PRKG1: variants seen among roughly 807,000 people sequenced by gnomAD.
PRKG1 encodes protein kinase cGMP-dependent 1, also known as cGMP-dependent protein kinase 1.
Under a neutral mutation model 88.1 loss-of-function variants are expected in PRKG1, and 35 were observed. That is an observed-to-expected ratio of 0.40 (90% CI 0.30 to 0.53). PRKG1 has a LOEUF of 0.53. Ranked by LOEUF, PRKG1 falls within the 20% of genes least tolerant of loss-of-function variation. PRKG1 has a pLI of 0.59. For missense variants in PRKG1, 540 were observed against 839.8 expected (o/e 0.64, Z 4.41); for synonymous variants, 303 against 292.5 (o/e 1.04, Z -0.37).
intron 6 of PRKG1, among the ~76,000 whole-genome samples, chr10:52,056,817 C>T (rs1168467326): frequency 6.6e-6 from 1 of 151,880 alleles, no homozygotes; most frequent in Non-Finnish European, 1.5e-5. Context: ...CTAATTCTAA[C>T]ATATTAAAAT....
At chr10:51,087,323 A>G (rs971237640) in intron 1 of PRKG1, among the ~76,000 whole-genome samples, 1 of 152,214 alleles carries the variant, frequency 6.6e-6, no homozygotes, top group Non-Finnish European at 1.5e-5. Context: ...GATGATAATG[A>G]TGATAATTAC....
chr10:51,640,616 GA>G (rs1045782593), intron 3 of PRKG1, among the ~76,000 whole-genome samples: 71 of 151,832 alleles, frequency 4.7e-4, no homozygotes, highest in Admixed American at 4.5e-3. Context: ...GATGCTTCCA[GA>G]AAAAAAATTA....
chr10:51,763,572 G>C (rs1218771724), intron 3 of PRKG1, among the ~76,000 whole-genome samples: 1 of 142,380 alleles, frequency 7.0e-6, no homozygotes, highest in Non-Finnish European at 1.5e-5. Flanking sequence ...ATTTTAAAAC[G>C]ATGTAAAATT....
intron 5 of PRKG1, among the ~76,000 whole-genome samples, chr10:51,984,089 G>A (rs887879295): frequency 6.6e-6 from 1 of 152,214 alleles, no homozygotes; most frequent in Non-Finnish European, 1.5e-5. Flanking sequence ...CTTGTGCGGT[G>A]TGAGAGGATA....
At chr10:51,410,142 C>G (rs1364575788) in intron 2 of PRKG1, among the ~76,000 whole-genome samples, 3 of 151,508 alleles carry the variant, frequency 2.0e-5, no homozygotes, top group East Asian at 1.9e-4. Context: ...TCAGGGTTCT[C>G]TAGAGGGACA....
chr10:51,858,978 T>TA (rs1164185393), intron 4 of PRKG1, among the ~76,000 whole-genome samples: 2 of 152,122 alleles, frequency 1.3e-5, no homozygotes, highest in African/African-American at 4.8e-5. Context: ...TATCAATGGG[T>TA]ATCTCTAACA....
chr10:51,222,946 G>T (rs7905752), intron 2 of PRKG1, among the ~76,000 whole-genome samples: 2,954 of 151,762 alleles, frequency 0.019, 79 homozygotes, highest in African/African-American at 0.066. Context: ...AATGTGAAAT[G>T]ATTACCATAA....
intron 3 of PRKG1, among the ~76,000 whole-genome samples, chr10:51,473,877 A>C (rs1225752035): frequency 4.0e-5 from 6 of 151,878 alleles, no homozygotes; most frequent in Non-Finnish European, 5.9e-5. Context: ...GGTGTAATGA[A>C]TCTTCATTCA....
intron 7 of PRKG1, among the ~76,000 whole-genome samples, chr10:52,072,814 A>G (rs1159232045): frequency 6.6e-6 from 1 of 152,202 alleles, no homozygotes; most frequent in Non-Finnish European, 1.5e-5. Flanking sequence ...TCTAAATTAT[A>G]GGACAGCCAC....
intron 9 of PRKG1, among the ~76,000 whole-genome samples, chr10:52,240,419 G>T (rs531121060): frequency 6.6e-6 from 1 of 152,254 alleles, no homozygotes; most frequent in Admixed American, 6.5e-5. Flanking sequence ...TGATATTCTG[G>T]ATGGGATCCC....
At chr10:51,960,800 A>G (rs1434554075) in intron 5 of PRKG1, among the ~76,000 whole-genome samples, 1 of 152,166 alleles carries the variant, frequency 6.6e-6, no homozygotes, top group African/African-American at 2.4e-5. Context: ...TCTCAAAAGC[A>G]TGATATCCGA....
In PRKG1 at chr10:51,954,892, C is replaced by T. The variant is rs575617639; in HGVS notation, c.762+47322C>T. ...TAATCACCTCCCAACCATGTACCTA[C>T]CTATCACTGAGCTTCAGTAATTATC... On this transcript the variant is annotated intron_variant, in intron 5 of 17. Transcript: ENST00000373980. 1.4e-4 allele frequency among the ~76,000 whole-genome samples: 22 copies of T among 152,258 alleles called. No individual in the cohort carries two copies. The South Asian group carries it at 4.6e-3, about 32-fold the overall frequency.
intron 4 of PRKG1, among the ~76,000 whole-genome samples, chr10:51,877,841 T>C (rs1250053116): frequency 6.6e-6 from 1 of 152,196 alleles, no homozygotes; most frequent in African/African-American, 2.4e-5. Flanking sequence ...TCCCACCTCA[T>C]GGTGGCAGCA....
chr10:51,211,358 C>T (rs896128351), intron 2 of PRKG1, among the ~76,000 whole-genome samples: 4 of 152,178 alleles, frequency 2.6e-5, no homozygotes, highest in Admixed American at 2.6e-4. Flanking sequence ...CAGCCAATAT[C>T]ATACTGAATG....
chr10:51,384,906 C>A (rs1837212085), intron 2 of PRKG1, among the ~76,000 whole-genome samples: 1 of 152,160 alleles, frequency 6.6e-6, no homozygotes, highest in Non-Finnish European at 1.5e-5. Flanking sequence ...ACTCTGTTTT[C>A]ATGAGTTCTG....
intron 3 of PRKG1, among the ~76,000 whole-genome samples, chr10:51,490,869 T>C (rs1440517048): frequency 6.6e-6 from 1 of 152,236 alleles, no homozygotes; most frequent in East Asian, 1.9e-4. Context: ...CTGGGATTTC[T>C]AGGAAACTAG....
At chr10:51,956,114 T>C (rs1049578648) in intron 5 of PRKG1, among the ~76,000 whole-genome samples, 7 of 152,264 alleles carry the variant, frequency 4.6e-5, no homozygotes, top group East Asian at 1.9e-4. Flanking sequence ...TTCTGTGATG[T>C]AGGATATCAC....
chr10:51,252,644 A>G (rs1337715339), intron 2 of PRKG1, among the ~76,000 whole-genome samples: 1 of 151,732 alleles, frequency 6.6e-6, no homozygotes, highest in East Asian at 1.9e-4. Context: ...AACACTTCTT[A>G]TAGTAGTGTA....
At chr10:52,108,720 C>T (rs1847482998) in intron 7 of PRKG1, among the ~76,000 whole-genome samples, 2 of 151,720 alleles carry the variant, frequency 1.3e-5, no homozygotes, top group East Asian at 1.9e-4. Context: ...TGAAAATGTA[C>T]ATAATCTATT....
Sources: allele counts gnomAD v4.1 joint callset (sites outside exome capture counted in the v4.1 genomes callset), GRCh38; gene constraint gnomAD v4.1.1; transcripts MANE v1.5; gene names NCBI Gene and HGNC (gene_info 2026-07-23, HGNC 2026-07-21).